Variants in SPATA16 observed in about 807,000 individuals in gnomAD.
SPATA16 encodes spermatogenesis-associated protein 16.
Under a neutral mutation model 63.3 loss-of-function variants are expected in SPATA16, and 36 were observed. The observed-to-expected ratio is 0.57, with a 90% CI of 0.44 to 0.75. The LOEUF (loss-of-function observed/expected upper bound fraction) is 0.75, where lower values mean the gene tolerates loss of function less well. Among genes scored for constraint, SPATA16 ranks in the 30% least tolerant of loss-of-function variants. The pLI, the probability that SPATA16 is intolerant of heterozygous loss-of-function variation, is 0.00. For missense variants in SPATA16, 646 were observed against 679.3 expected (o/e 0.95, Z 0.54); for synonymous variants, 203 against 216.7 (o/e 0.94, Z 0.56).
intron 4 of SPATA16, among the ~76,000 whole-genome samples, chr3:173,010,720 C>T (rs903212721): frequency 3.3e-5 from 5 of 152,104 alleles, no homozygotes; most frequent in Non-Finnish European, 5.9e-5. Context: ...CCAGCCCCGG[C>T]CTGAGCATTT....
At chr3:173,139,708 G>A (rs938302763) in intron 1 of SPATA16, among the ~76,000 whole-genome samples, 6 of 152,170 alleles carry the variant, frequency 3.9e-5, no homozygotes, top group African/African-American at 7.2e-5. Flanking sequence ...AAGAATAGCC[G>A]GGCGTAGTGG....
chr3:172,891,515 A>G (rs149956887), intron 10 of SPATA16, among the ~76,000 whole-genome samples: 4 of 152,270 alleles, frequency 2.6e-5, no homozygotes, highest in African/African-American at 9.6e-5. Context: ...AATCCATCTC[A>G]TAATGATGCT....
intron 10 of SPATA16, among the ~76,000 whole-genome samples, chr3:172,894,529 GA>G (rs141541388): frequency 2.0e-3 from 298 of 148,166 alleles, no homozygotes; most frequent in African/African-American, 7.1e-3. Context: ...ACCAACTCTT[GA>G]AAATACCCAT....
At chr3:173,012,759 C>T (rs945373321) in intron 4 of SPATA16, among the ~76,000 whole-genome samples, 21 of 152,132 alleles carry the variant, frequency 1.4e-4, no homozygotes, top group African/African-American at 5.1e-4. Flanking sequence ...CTACCTTTCA[C>T]CATACACAAA....
chr3:173,130,253 G>A (rs1275165846), intron 1 of SPATA16, among the ~76,000 whole-genome samples: 1 of 151,376 alleles, frequency 6.6e-6, no homozygotes, highest in Non-Finnish European at 1.5e-5. Flanking sequence ...TCAGCTACTT[G>A]GGAGGCTGAG....
At chr3:172,962,057 AG>A in intron 5 of SPATA16, among the ~76,000 whole-genome samples, 1 of 152,228 alleles carries the variant, frequency 6.6e-6, no homozygotes, top group Admixed American at 6.5e-5. Flanking sequence ...GTTCGAAACC[AG>A]CATGGCCAAC....
chr3:173,065,854 GT>G (rs917647263), intron 2 of SPATA16, among the ~76,000 whole-genome samples: 2 of 151,892 alleles, frequency 1.3e-5, no homozygotes, highest in Non-Finnish European at 2.9e-5. Context: ...AGTTCCAGCT[GT>G]TTTATTTACC....
intron 2 of SPATA16, among the ~76,000 whole-genome samples, chr3:173,081,857 G>C (rs750133095): frequency 5.3e-5 from 8 of 152,128 alleles, no homozygotes; most frequent in Non-Finnish European, 1.0e-4. Flanking sequence ...ATGATGTCAG[G>C]ATTTAGCTTC....
At chr3:172,956,857 A>G (rs754174712) in intron 5 of SPATA16, 33 bp from the exon 6 acceptor site, 30 of 1,612,264 alleles carry the variant, frequency 1.9e-5, no homozygotes, top group Non-Finnish European at 2.5e-5. Context: ...TTTGGCATCA[A>G]TAACAATATA....
At chr3:173,085,815 G>A (rs1276904494) in intron 2 of SPATA16, among the ~76,000 whole-genome samples, 8 of 152,122 alleles carry the variant, frequency 5.3e-5, no homozygotes, top group East Asian at 1.9e-4. Flanking sequence ...GATGAATTAC[G>A]TTTATTGATT....
intron 3 of SPATA16, among the ~76,000 whole-genome samples, chr3:173,047,573 C>A (rs1461386325): frequency 6.6e-6 from 1 of 151,892 alleles, no homozygotes; most frequent in African/African-American, 2.4e-5. Flanking sequence ...TTTGCTTTTG[C>A]ATGATCAAAT....
chr3:172,891,699 A>G (rs1398020737), intron 10 of SPATA16, among the ~76,000 whole-genome samples: 18 of 152,108 alleles, frequency 1.2e-4, no homozygotes, highest in Admixed American at 1.1e-3. Flanking sequence ...GCCATGTGGG[A>G]CATCTCTCAA....
intron 1 of SPATA16, 135 bp from the exon 2 acceptor site, chr3:173,117,884 A>T: frequency 7.2e-7 from 1 of 1,383,604 alleles, no homozygotes; most frequent in Non-Finnish European, 9.8e-7. Flanking sequence ...AACTGTATTT[A>T]CATAATCTAC....
At chr3:172,937,122 A>G (rs1047264889) in intron 6 of SPATA16, among the ~76,000 whole-genome samples, 7 of 152,176 alleles carry the variant, frequency 4.6e-5, no homozygotes, top group Admixed American at 2.0e-4. Flanking sequence ...AGAAATAGTG[A>G]TGTGGAAAAC....
chr3:173,102,095 T>A (rs909994907), intron 2 of SPATA16, among the ~76,000 whole-genome samples: 2 of 152,196 alleles, frequency 1.3e-5, no homozygotes, highest in African/African-American at 4.8e-5. Flanking sequence ...TCCCTTTCCT[T>A]AGAGAGGTCC....
intron 1 of SPATA16, among the ~76,000 whole-genome samples, 187 bp from the exon 2 acceptor site, chr3:173,117,936 T>C (rs1737952887): frequency 6.6e-6 from 1 of 152,136 alleles, no homozygotes; most frequent in Non-Finnish European, 1.5e-5. Flanking sequence ...GTCTCAAAAC[T>C]CACCAAGATA....
chr3:173,009,374 T>C (rs551279905), intron 4 of SPATA16, among the ~76,000 whole-genome samples: 1 of 152,256 alleles, frequency 6.6e-6, no homozygotes, highest in Admixed American at 6.5e-5. Context: ...GGTGATTGAA[T>C]AAGAGCTCCT....
At chr3:172,913,812 T>C in intron 9 of SPATA16, 68 bp from the exon 10 acceptor site, 1 of 1,357,602 alleles carries the variant, frequency 7.4e-7, no homozygotes, top group South Asian at 1.2e-5. Flanking sequence ...AATACACAGA[T>C]TAAAACCTAA....
intron 4 of SPATA16, among the ~76,000 whole-genome samples, chr3:172,999,126 C>G (rs776322078): frequency 2.0e-5 from 3 of 151,952 alleles, no homozygotes; most frequent in Non-Finnish European, 4.4e-5. Flanking sequence ...TAATTTCTTC[C>G]TTATGTGTTT....
Sources: gnomAD v4.1 joint callset for allele counts (sites outside exome capture counted in the v4.1 genomes callset) on GRCh38, gnomAD v4.1.1 for gene constraint, MANE v1.5 for transcripts, NCBI Gene and HGNC (gene_info 2026-07-23, HGNC 2026-07-21) for gene names.